Variants in APC observed in about 807,000 individuals in gnomAD.
APC encodes the protein APC regulator of Wnt signaling pathway.
In APC, 72 loss-of-function variants were observed where a neutral mutation model predicts 247.0. That is an observed-to-expected ratio of 0.29 (90% CI 0.24 to 0.35). The LOEUF (loss-of-function observed/expected upper bound fraction) is 0.35, where lower values mean the gene tolerates loss of function less well. APC is among the 10% of genes least tolerant of loss of function. APC has a pLI of 1.00. For missense variants in APC, 3,400 were observed against 3,360.7 expected (o/e 1.01, Z -0.29); for synonymous variants, 1,254 against 1,162.5 (o/e 1.08, Z -1.60).
In APC at chr5:112,840,809, A is replaced by C. The variant is rs1765882819; in HGVS notation, c.5215A>C (p.Lys1739Gln). 1 of 1,614,132 alleles carries C rather than the reference A, an allele frequency of 6.2e-7. No individual in the cohort carries two copies. Among genetic ancestry groups the C allele is most frequent in the Non-Finnish European group, 8.5e-7 (1 of 1,179,978 alleles). Residue 1739 changes from lysine (K) to glutamine (Q), a missense_variant, in exon 16 of 16, where the codon AAG (lysine) becomes CAG (glutamine). Lys to Gln is a moderately conservative substitution (Grantham distance 53). Around this residue, in one of 9 missense-constraint regions of APC, gnomAD observed 1,788 missense variants for 1,649.5 expected, o/e 1.08. Transcript: ENST00000257430. The surrounding 1 kb of genome is among the most constrained non-coding windows in gnomAD (Gnocchi z 4.1). ...NSAMPKGKSH[K>Q]PFRVKKIMDQ... ...TGCTATGCCCAAAGGGAAAAGTCACAAGCCTTTCCGTGTGAAAAAGATAAT... is the reference window on the plus strand; with the variant it reads ...TGCTATGCCCAAAGGGAAAAGTCACCAGCCTTTCCGTGTGAAAAAGATAAT...
intron 1 of APC, among the ~76,000 whole-genome samples, chr5:112,716,736 T>A (rs1751193387): frequency 6.6e-6 from 1 of 152,210 alleles, no homozygotes; most frequent in African/African-American, 2.4e-5. Flanking sequence ...TGCATAGAAA[T>A]GTGTAATAGC....
At chr5:112,713,127 C>T (rs1375923334) in intron 1 of APC, among the ~76,000 whole-genome samples, 1 of 144,118 alleles carries the variant, frequency 6.9e-6, no homozygotes, top group African/African-American at 2.6e-5. Context: ...GCCAGGATTG[C>T]ATCACTGCAC....
At chr5:112,720,550 A>G (rs1751425820) in intron 1 of APC, among the ~76,000 whole-genome samples, 1 of 152,214 alleles carries the variant, frequency 6.6e-6, no homozygotes, top group Admixed American at 6.5e-5. Flanking sequence ...CAGAGGCCCA[A>G]GGAAGATGGG....
intron 1 of APC, among the ~76,000 whole-genome samples, chr5:112,744,877 T>G (rs1753465275): frequency 6.6e-6 from 1 of 152,192 alleles, no homozygotes; most frequent in African/African-American, 2.4e-5. Context: ...CAAGTACAGA[T>G]TTGAATTCTG....
intron 8 of APC, among the ~76,000 whole-genome samples, chr5:112,812,743 G>A (rs1762115394): frequency 6.6e-6 from 1 of 152,222 alleles, no homozygotes; most frequent in Non-Finnish European, 1.5e-5. Flanking sequence ...TAGATTGTGT[G>A]TGTAGTGTGG....
chr5:112,750,676 T>G (rs565597225), intron 1 of APC, among the ~76,000 whole-genome samples: 1 of 152,320 alleles, frequency 6.6e-6, no homozygotes, highest in East Asian at 1.9e-4. Flanking sequence ...CCTAGTCTAG[T>G]AACGGACATC....
At chr5:112,714,071 G>A (rs2149643946) in intron 1 of APC, among the ~76,000 whole-genome samples, 1 of 152,336 alleles carries the variant, frequency 6.6e-6, no homozygotes, top group South Asian at 2.1e-4. Flanking sequence ...TTAAGACTGT[G>A]TTAAGTACAT....
Position 112,749,590 on chromosome 5 carries a change from C to T in APC, c.-18-5283C>T, listed in dbSNP as rs926360056. Among the ~76,000 whole-genome samples, 10 of 147,864 alleles carry T rather than the reference C, an allele frequency of 6.8e-5. No homozygotes were observed. The East Asian group carries it at 8.2e-4, about 12-fold the overall frequency. On this transcript the variant is annotated intron_variant, in intron 1 of 15. Transcript: ENST00000257430. Reference sequence around the variant, plus strand: ...ACAACCTCCACCTCCCGTGTTCAAGCGATTCACCTGCCTCAGCCTCCGGAG... The same window carrying T: ...ACAACCTCCACCTCCCGTGTTCAAGTGATTCACCTGCCTCAGCCTCCGGAG...
intron 1 of APC, among the ~76,000 whole-genome samples, chr5:112,738,134 A>G (rs565035421): frequency 1.2e-4 from 18 of 152,256 alleles, no homozygotes; most frequent in Admixed American, 1.1e-3. Context: ...TTTTGACAGA[A>G]GAGGAAGAAG....
In APC at chr5:112,839,199, C is replaced by G. The variant is rs753375023; in HGVS notation, c.3605C>G (p.Ser1202Cys). ...KQSFSFSKSS[S>C]GQSSKTEHMS... ...TCATTTTCATTCTCAAAGAGTTCAT[C>G]TGGACAAAGCAGTAAAACCGAACAT... Residue 1202 changes from serine to cysteine, a missense_variant, in exon 16 of 16, where the codon TCT (serine) becomes TGT (cysteine). By Grantham distance (112) the Ser-to-Cys change is moderately radical. Transcript: ENST00000257430. The surrounding 1 kb of genome is among the most constrained non-coding windows in gnomAD (Gnocchi z 5.0). 3 of 1,614,142 alleles carry G rather than the reference C, an allele frequency of 1.9e-6. No individual in the cohort carries two copies. In the South Asian group the frequency reaches 3.3e-5, roughly 18 times the overall value.
rs758972184 is a variant in APC, at chr5:112,837,566, G to A, written c.1972G>A (p.Glu658Lys). The A allele has an allele frequency of 1.9e-6, 3 of 1,612,584 alleles. No individual in the cohort carries two copies. Among genetic ancestry groups the A allele is most frequent in the Non-Finnish European group, 2.5e-6 (3 of 1,178,876 alleles). ...ATTTTATTTCAGGCAAATCCTAAGA[G>A]AGAACAACTGTCTACAAACTTTATT... is the stretch of plus-strand genomic sequence containing the variant. ...TNEDHRQILR[E>K]NNCLQTLLQH... is the part of the protein sequence containing the mutation. Residue 658 changes from glutamate to lysine, a missense_variant, in exon 16 of 16, where the codon GAG becomes AAG. Glu to Lys is a moderately conservative substitution (Grantham distance 56). Coordinates refer to ENST00000257430, the MANE Select transcript of APC (RefSeq NM_000038.6).
At chr5:112,755,823 A>T (rs756862761) in intron 2 of APC, among the ~76,000 whole-genome samples, 2 of 152,050 alleles carry the variant, frequency 1.3e-5, no homozygotes, top group African/African-American at 4.8e-5. Flanking sequence ...CAAAAATATT[A>T]CTTCCACCGG....
chr5:112,804,658 G>A (rs747767698), intron 8 of APC, among the ~76,000 whole-genome samples: 3 of 152,156 alleles, frequency 2.0e-5, no homozygotes, highest in Non-Finnish European at 4.4e-5. Context: ...GATAACAGGC[G>A]TGAGCCACTG....
At chr5:112,712,431 G>T (rs1318503164) in intron 1 of APC, among the ~76,000 whole-genome samples, 1 of 152,042 alleles carries the variant, frequency 6.6e-6, no homozygotes, top group Non-Finnish European at 1.5e-5. Flanking sequence ...CTGCCACCCA[G>T]ACTGGCATGT....
intron 1 of APC, among the ~76,000 whole-genome samples, chr5:112,717,908 CTTT>C: frequency 5.2e-4 from 21 of 40,640 alleles, no homozygotes; most frequent in Middle Eastern, 0.019. Flanking sequence ...TTTTCTTTTT[CTTT>C]TTTTTTTTTT....
chr5:112,732,046 G>C (rs1276689848), intron 1 of APC, among the ~76,000 whole-genome samples: 1 of 152,226 alleles, frequency 6.6e-6, no homozygotes, highest in Non-Finnish European at 1.5e-5. Context: ...ACAGGCATGA[G>C]CCATTGCACA....
rs1554083526 is a variant in APC at position 112,836,165 on chromosome 5, T to TTCCCCCCC, written c.1958+1000_1958+1001insTCCCCCCC. On this transcript the variant is annotated intron_variant, in intron 15 of 15. Transcript: ENST00000257430. Reference sequence around the variant, plus strand: ...CCTCCCGAGTAGCTGGGATTACAGGTCCCCCCCCCCCCCCGCCACCGTGCC... The same window carrying TTCCCCCCC: ...CCTCCCGAGTAGCTGGGATTACAGGTTCCCCCCCCCCCCCCCCCCCCCGCCACCGTGCC... Among the ~76,000 whole-genome samples the TTCCCCCCC allele has an allele frequency of 4.6e-3, 112 of 24,476 alleles. 14 individuals are homozygous for TTCCCCCCC. The highest frequency in any genetic ancestry group is 0.014 in the East Asian group (4 of 280). The allele number at this position is 24,476 out of a possible 152,430, so 16.1% of individuals were successfully genotyped here.
chr5:112,797,131 AC>A (rs1448506715), intron 7 of APC, among the ~76,000 whole-genome samples: 8 of 152,300 alleles, frequency 5.3e-5, no homozygotes, highest in African/African-American at 1.9e-4. Context: ...ACTGTCTGCT[AC>A]TATGATCCAA....
intron 8 of APC, among the ~76,000 whole-genome samples, chr5:112,805,848 G>C (rs1056856360): frequency 6.6e-6 from 1 of 152,156 alleles, no homozygotes; most frequent in Admixed American, 6.6e-5. Flanking sequence ...GTATTCTACC[G>C]CTTCTCTCAC....
Sources: gnomAD v4.1 joint callset for allele counts (sites outside exome capture counted in the v4.1 genomes callset) on GRCh38, gnomAD v4.1.1 for gene constraint, gnomAD v4.1.1 regional missense constraint, Gnocchi (gnomAD v3.1) non-coding constraint, MANE v1.5 for transcripts, NCBI Gene and HGNC (gene_info 2026-07-23, HGNC 2026-07-21) for gene names.